HOMER2: variants seen among roughly 807,000 people sequenced by gnomAD.
HOMER2 encodes the protein homer scaffold protein 2, also known as homer protein homolog 2.
Under a neutral mutation model 47.0 loss-of-function variants are expected in HOMER2, and 27 were observed. That is an observed-to-expected ratio of 0.57 (90% CI 0.42 to 0.79). The LOEUF is 0.79. Ranked by LOEUF, HOMER2 falls within the 30% of genes least tolerant of loss-of-function variation. The pLI is 0.00. For synonymous variants in HOMER2, 161 were observed against 163.8 expected (o/e 0.98, Z 0.13); for missense variants, 443 against 435.0 (o/e 1.02, Z -0.16).
chr15:82,935,459 C>T (rs2054120756), intron 1 of HOMER2, among the ~76,000 whole-genome samples: 1 of 152,132 alleles, frequency 6.6e-6, no homozygotes, highest in African/African-American at 2.4e-5. Context: ...CCCTCTCCTT[C>T]TCTGCCTGCC....
At chr15:82,835,311 G>A (rs185275065), downstream of HOMER2, 14 of 152,264 alleles carry the variant, frequency 9.2e-5, no homozygotes, top group African/African-American at 3.1e-4. Flanking sequence ...ATTTTTAGTA[G>A]AGATGGGGTT....
upstream of HOMER2, among the ~76,000 whole-genome samples, chr15:82,954,414 C>CA: frequency 6.6e-6 from 1 of 151,526 alleles, no homozygotes; most frequent in South Asian, 2.1e-4. Flanking sequence ...TCTACTGCCT[C>CA]AGCCTCCCCA....
chr15:82,945,896 A>C (rs2054368529), intron 1 of HOMER2, among the ~76,000 whole-genome samples: 1 of 152,004 alleles, frequency 6.6e-6, no homozygotes, highest in African/African-American at 2.4e-5. Context: ...CTTGAACCCA[A>C]GAGGCGGAGG....
chr15:82,844,814 G>A (rs938609288), downstream of HOMER2: 5 of 152,162 alleles, frequency 3.3e-5, no homozygotes, highest in Admixed American at 1.3e-4. Flanking sequence ...ATCATAAGAC[G>A]CTGCTCTCAC....
chr15:82,858,796 T>A (rs906887721), intron 5 of HOMER2, among the ~76,000 whole-genome samples: 7 of 151,768 alleles, frequency 4.6e-5, no homozygotes, highest in East Asian at 1.9e-4. Flanking sequence ...TATCTCTCTC[T>A]CACACACACA....
intron 1 of HOMER2, among the ~76,000 whole-genome samples, chr15:82,925,208 A>C (rs2053825224): frequency 6.6e-6 from 1 of 152,214 alleles, no homozygotes; most frequent in African/African-American, 2.4e-5. Flanking sequence ...TTAAGTTCCC[A>C]AAACCTTCAG....
chr15:82,931,536 T>TAA (rs1190584996), intron 1 of HOMER2, among the ~76,000 whole-genome samples: 34 of 121,090 alleles, frequency 2.8e-4, no homozygotes, highest in South Asian at 8.2e-4. Flanking sequence ...ATGCCTGCTT[T>TAA]AAAAAAAAAA....
At chr15:82,866,098 A>G (rs1486427873) in intron 3 of HOMER2, among the ~76,000 whole-genome samples, 1 of 152,184 alleles carries the variant, frequency 6.6e-6, no homozygotes, top group Non-Finnish European at 1.5e-5. Flanking sequence ...AAAGCCACAG[A>G]CATTCAATGC....
At chr15:82,838,732 C>T (rs1459144411) in exon 2 of HOMER2, 2 of 152,192 alleles carry the variant, frequency 1.3e-5, no homozygotes, top group Non-Finnish European at 2.9e-5. Flanking sequence ...GGACTCTCCT[C>T]TGGAGAAAGG....
At chr15:82,840,975 TAACA>T in exon 2 of HOMER2, 1 of 151,926 alleles carries the variant, frequency 6.6e-6, no homozygotes, top group South Asian at 2.1e-4. Context: ...TTTAAGAAGT[TAACA>T]AACACCAATA....
chr15:82,944,251 A>G (rs894592638), intron 1 of HOMER2, among the ~76,000 whole-genome samples: 1 of 152,134 alleles, frequency 6.6e-6, no homozygotes, highest in Non-Finnish European at 1.5e-5. Flanking sequence ...CTTCCCACAC[A>G]AAACGCACCC....
intron 1 of HOMER2, among the ~76,000 whole-genome samples, chr15:82,941,872 A>G (rs548899361): frequency 2.0e-5 from 3 of 152,320 alleles, no homozygotes; most frequent in Non-Finnish European, 4.4e-5. Context: ...CAACATTGGT[A>G]TAATACTATT....
chr15:82,866,529 A>C (rs1234617894), intron 3 of HOMER2, among the ~76,000 whole-genome samples: 2 of 152,206 alleles, frequency 1.3e-5, no homozygotes, highest in African/African-American at 2.4e-5. Flanking sequence ...ATGTGATGAC[A>C]TGAGATTTGG....
chr15:82,898,390 C>T (rs1363963329), intron 1 of HOMER2: 1 of 152,176 alleles, frequency 6.6e-6, no homozygotes, highest in African/African-American at 2.4e-5. Context: ...CAGAAATTAC[C>T]TTCATATCCA....
chr15:82,889,578 G>GA (rs2052644387), intron 2 of HOMER2, among the ~76,000 whole-genome samples: 1 of 152,198 alleles, frequency 6.6e-6, no homozygotes, highest in African/African-American at 2.4e-5. Flanking sequence ...CCAGTCTGCA[G>GA]ACAGCAGGCG....
At chr15:82,925,679 C>T (rs1295884788) in intron 1 of HOMER2, among the ~76,000 whole-genome samples, 1 of 152,118 alleles carries the variant, frequency 6.6e-6, no homozygotes, top group Non-Finnish European at 1.5e-5. Flanking sequence ...AATGTCACTT[C>T]CTCAGGGAAG....
chr15:82,874,173 G>T (rs1567026928), intron 3 of HOMER2, among the ~76,000 whole-genome samples: 1 of 152,184 alleles, frequency 6.6e-6, no homozygotes, highest in African/African-American at 2.4e-5. Flanking sequence ...CAGAGGCTGG[G>T]TCAGCACTTG....
At chr15:82,966,838 C>T (rs2054679512) in intron 1 of HOMER2, among the ~76,000 whole-genome samples, 1 of 152,214 alleles carries the variant, frequency 6.6e-6, no homozygotes, top group African/African-American at 2.4e-5. Flanking sequence ...CAACTTCAGT[C>T]ATCTTCAGAT....
At chr15:82,946,202 T>A (rs1010820) in intron 1 of HOMER2, among the ~76,000 whole-genome samples, 29,387 of 152,164 alleles carry the variant, frequency 0.19, 3,027 homozygotes, top group Non-Finnish European at 0.22. Flanking sequence ...CTGCTCAGCG[T>A]CCCGCTTCAG....
Sources: allele counts gnomAD v4.1 joint callset (sites outside exome capture counted in the v4.1 genomes callset), GRCh38; gene constraint gnomAD v4.1.1; transcripts MANE v1.5; gene names NCBI Gene and HGNC (gene_info 2026-07-23, HGNC 2026-07-21).